Variants in ZFYVE28 observed in about 807,000 individuals in gnomAD.
ZFYVE28 encodes the protein lateral signaling target protein 2 homolog.
Under a neutral mutation model 82.1 loss-of-function variants are expected in ZFYVE28, and 40 were observed. That is an observed-to-expected ratio of 0.49 (90% CI 0.38 to 0.63). ZFYVE28 has a LOEUF of 0.63. Ranked by LOEUF, ZFYVE28 falls within the 30% of genes least tolerant of loss-of-function variation. ZFYVE28 has a pLI of 0.00. For missense variants in ZFYVE28, 1,321 were observed against 1,242.1 expected, an observed-to-expected ratio of 1.06 and a Z score of -0.96; for synonymous variants, 612 against 546.1, an observed-to-expected ratio of 1.12 and a Z score of -1.68.
chr4:2,309,566 C>G (rs1476794343), intron 7 of ZFYVE28, among the ~76,000 whole-genome samples: 2 of 149,986 alleles, frequency 1.3e-5, no homozygotes. Context: ...TACTTGATCA[C>G]GTTATCTACA....
intron 1 of ZFYVE28, among the ~76,000 whole-genome samples, chr4:2,374,049 C>T (rs2108907313): frequency 6.6e-6 from 1 of 152,290 alleles, no homozygotes; most frequent in Non-Finnish European, 1.5e-5. Context: ...GGGCTTCATC[C>T]AACCCATGGG....
At position 2,339,393 on chromosome 4, in the gene ZFYVE28, A is replaced by C; in HGVS notation, c.521+60T>G. 6.4e-7 allele frequency: 1 copy of C among 1,559,898 alleles called. No homozygotes were observed. Among genetic ancestry groups the C allele is most frequent in the Non-Finnish European group, 8.7e-7 (1 of 1,147,748 alleles). On this transcript the variant is annotated intron_variant, in intron 4 of 12. Coordinates refer to ENST00000290974, the MANE Select transcript of ZFYVE28 (RefSeq NM_020972.3). The surrounding 1 kb of genome is among the most constrained non-coding windows in gnomAD (Gnocchi z 5.0). ...TTGAAGTATCAGGGTGAGCCCCGGA[A>C]GCTGGCACAACCGTCCCCCAGCTCA...
At chr4:2,298,239 A>C (rs1452731330) in intron 8 of ZFYVE28, among the ~76,000 whole-genome samples, 1 of 150,782 alleles carries the variant, frequency 6.6e-6, no homozygotes, top group African/African-American at 2.4e-5. Flanking sequence ...CAGTGGGGTG[A>C]CACGGTGACA....
chr4:2,296,262 G>A (rs764140905), intron 8 of ZFYVE28, among the ~76,000 whole-genome samples: 1 of 152,216 alleles, frequency 6.6e-6, no homozygotes, highest in Non-Finnish European at 1.5e-5. Context: ...GCCTTGCAGG[G>A]CGATCACTGT....
At chr4:2,356,425 CCGCCCCCTCCCCGGCCGTTGATG>C (rs1356338938) in intron 1 of ZFYVE28, among the ~76,000 whole-genome samples, 36 of 32,024 alleles carry the variant, frequency 1.1e-3, no homozygotes, top group African/African-American at 2.8e-3. Flanking sequence ...GTTGGTGTGC[CCGCCCCCTCCCCGGCCGTTGATG>C]TGCCTGCCCC....
intron 2 of ZFYVE28, among the ~76,000 whole-genome samples, chr4:2,350,832 C>T (rs1482168580): frequency 5.9e-5 from 9 of 152,214 alleles, no homozygotes; most frequent in Admixed American, 1.3e-4. Context: ...CGAACACATC[C>T]GCCTGCCAGG....
At chr4:2,290,330 G>C (rs568551787) in intron 8 of ZFYVE28, among the ~76,000 whole-genome samples, 1 of 152,150 alleles carries the variant, frequency 6.6e-6, no homozygotes, top group Non-Finnish European at 1.5e-5. Flanking sequence ...ACAGGGTCTC[G>C]AACTCTTGGC....
In ZFYVE28 at chr4:2,410,454, C is replaced by CT. The variant is rs11358765; in HGVS notation, c.39+7830dup. On this transcript the variant is annotated intron_variant, in intron 1 of 12. Transcript: ENST00000290974. ...GCTTGTATCAGAACATCCTCCCTTT[C>CT]TTTTTTTTTTTTTTTTTTCATTTTT... 1.7e-3 allele frequency among the ~76,000 whole-genome samples: 199 copies of CT among 119,316 alleles called. 3 individuals are homozygous for CT. The highest frequency in any genetic ancestry group is 3.3e-3 in the African/African-American group (106 of 31,740). 78.3% of individuals were successfully genotyped at this position (119,316 alleles called of 152,430 possible). A position where few individuals can be genotyped will look rare whatever the true frequency, so the allele number is the denominator to read the frequency against.
At chr4:2,347,716 G>C (rs1298232505) in intron 2 of ZFYVE28, among the ~76,000 whole-genome samples, 1 of 152,144 alleles carries the variant, frequency 6.6e-6, no homozygotes, top group Admixed American at 6.5e-5. Flanking sequence ...TATTGTGAAT[G>C]AAATGAAAGT....
chr4:2,389,216 G>A (rs1171366685), intron 1 of ZFYVE28, among the ~76,000 whole-genome samples: 5 of 152,178 alleles, frequency 3.3e-5, no homozygotes, highest in Non-Finnish European at 5.9e-5. Context: ...AGGCCATCCA[G>A]CCAGGTCCTG....
intron 1 of ZFYVE28, among the ~76,000 whole-genome samples, chr4:2,415,152 A>G (rs1732898148): frequency 6.6e-6 from 1 of 152,260 alleles, no homozygotes; most frequent in Non-Finnish European, 1.5e-5. Context: ...TTCATCAGGC[A>G]TTCTTTTACT....
rs1208603233 is a variant in ZFYVE28, at chr4:2,409,375, C to T, written c.39+8910G>A. 1.3e-5 allele frequency among the ~76,000 whole-genome samples: 2 copies of T among 152,130 alleles called. No homozygotes were observed. The highest frequency in any genetic ancestry group is 6.5e-5 in the Admixed American group (1 of 15,276). ...TCCCACAGCAGGCCTGGAAGGACCC[C>T]GCAAACAGCAGTGCTGACCCCATCA... On this transcript the variant is annotated intron_variant, in intron 1 of 12. Transcript: ENST00000290974. The surrounding 1 kb of genome is among the most constrained non-coding windows in gnomAD (Gnocchi z 4.4).
At chr4:2,379,312 C>T (rs1007388376) in intron 1 of ZFYVE28, among the ~76,000 whole-genome samples, 7 of 152,216 alleles carry the variant, frequency 4.6e-5, no homozygotes, top group Admixed American at 1.3e-4. Flanking sequence ...TTCTGTCAGA[C>T]CCGGGAGCAG....
chr4:2,316,104 A>C (rs1394791474), intron 7 of ZFYVE28: 1 of 151,832 alleles, frequency 6.6e-6, no homozygotes, highest in Non-Finnish European at 1.5e-5. Context: ...CTGCGTCCTT[A>C]TTGTCAAATT....
At chr4:2,321,614 T>C (rs1247736624) in intron 6 of ZFYVE28, among the ~76,000 whole-genome samples, 7 of 151,996 alleles carry the variant, frequency 4.6e-5, no homozygotes, top group Non-Finnish European at 1.0e-4. Context: ...AGGGGACAAT[T>C]ACCCAAATAG....
chr4:2,303,556 C>T (rs1317553632), intron 8 of ZFYVE28, among the ~76,000 whole-genome samples: 3 of 152,168 alleles, frequency 2.0e-5, no homozygotes, highest in Non-Finnish European at 2.9e-5. Flanking sequence ...GCCAGGGGGT[C>T]AATGGCCCTG....
chr4:2,281,299 G>A (rs1301943507), intron 8 of ZFYVE28, among the ~76,000 whole-genome samples: 1 of 152,146 alleles, frequency 6.6e-6, no homozygotes, highest in Non-Finnish European at 1.5e-5. Flanking sequence ...ATGAGCCTGG[G>A]TCCTTCTGGG....
In ZFYVE28 at chr4:2,339,660, G is replaced by A. The variant is rs367835862; in HGVS notation, c.319-5C>T. The A allele has an allele frequency of 8.2e-5, 130 of 1,589,776 alleles. No individual in the cohort carries two copies. Among genetic ancestry groups the A allele is most frequent in the African/African-American group, 1.3e-4 (10 of 74,484 alleles). On this transcript the variant is annotated splice_region_variant and splice_polypyrimidine_tract_variant and intron_variant, in intron 3 of 12. Transcript: ENST00000290974. This position sits in a 1 kb window ranked among gnomAD's most constrained non-coding sequence, Gnocchi z 5.0. ...GATGGAGCCGGCGGCCAGGCACTGC[G>A]GGAGGGGACACACTCAGGGAGGGGC...
rs569083701 is a variant in ZFYVE28 at position 2,341,340 on chromosome 4, C to T, written c.318+138G>A. 3.3e-5 allele frequency: 41 copies of T among 1,243,156 alleles called. No homozygotes were observed. Among genetic ancestry groups the T allele is most frequent in the South Asian group, 2.3e-4 (16 of 69,242 alleles). 77.0% of individuals were successfully genotyped at this position (1,243,156 alleles called of 1,614,324 possible). The stretch of plus-strand genomic sequence containing the variant: ...GGCCTACCAGGCTCAGACCACACCA[C>T]GTAACCCAGAGTGGACGGAGCTCTT... On this transcript the variant is annotated intron_variant, in intron 3 of 12. Coordinates refer to ENST00000290974, the MANE Select transcript of ZFYVE28 (RefSeq NM_020972.3). This position sits in a 1 kb window ranked among gnomAD's most constrained non-coding sequence, Gnocchi z 4.5.
Sources: gnomAD v4.1 joint callset for allele counts (sites outside exome capture counted in the v4.1 genomes callset) on GRCh38, gnomAD v4.1.1 for gene constraint, Gnocchi (gnomAD v3.1) non-coding constraint, MANE v1.5 for transcripts, NCBI Gene and HGNC (gene_info 2026-07-23, HGNC 2026-07-21) for gene names.